The following CLEC12A variants were observed in gnomAD, a reference collection of about 807,000 sequenced individuals.
CLEC12A encodes the protein C-type lectin protein CLL-1.
In CLEC12A, 22 loss-of-function variants were observed where a neutral mutation model predicts 26.5. That is an observed-to-expected ratio of 0.83 (90% CI 0.59 to 1.19). CLEC12A has a LOEUF of 1.19. Among genes scored for constraint, CLEC12A ranks in the 50% most tolerant of loss-of-function variants. The pLI is 0.00. For missense variants in CLEC12A, 353 were observed against 315.6 expected (o/e 1.12, Z -0.90); for synonymous variants, 119 against 101.9 (o/e 1.17, Z -1.01).
downstream of CLEC12A, among the ~76,000 whole-genome samples, chr12:9,987,301 T>A (rs1037614397): frequency 6.6e-6 from 1 of 152,192 alleles, no homozygotes; most frequent in Non-Finnish European, 1.5e-5. Flanking sequence ...TGGAACTCTT[T>A]TGGGCACCAT....
At chr12:9,996,686 A>G, downstream of CLEC12A, 1 of 758,378 alleles carries the variant, frequency 1.3e-6, no homozygotes, top group Non-Finnish European at 2.3e-6. Flanking sequence ...AGTGGATTGA[A>G]TATCTGGGTT....
rs1401988120 is a variant in CLEC12A at position 9,979,454 on chromosome 12, C to T, written c.309C>T (p.Ile103=). ...GTAACATGAATATCTCCAACAAGAT[C>T]AGGAACCTCTCCACCACACTGCAAA... ...LMSNMNISNK[I]RNLSTTLQTI... is the part of the protein sequence containing the mutation. Residue 103 remains isoleucine (I), a synonymous_variant, in exon 3 of 6, where the codon ATC becomes ATT. Coordinates refer to ENST00000304361, the MANE Select transcript of CLEC12A (RefSeq NM_138337.6). 6.2e-7 allele frequency: 1 copy of T among 1,613,280 alleles called. No individual in the cohort carries two copies. The highest frequency in any genetic ancestry group is 1.3e-5 in the African/African-American group (1 of 74,982).
chr12:9,986,003 C>T (rs1327052827), downstream of CLEC12A: 2 of 247,184 alleles, frequency 8.1e-6, no homozygotes, highest in African/African-American at 4.6e-5. Flanking sequence ...TCTGCCCCCT[C>T]CTCTTCTGTG....
At chr12:10,000,378 T>C (rs1252458049), downstream of CLEC12A, among the ~76,000 whole-genome samples, 1 of 152,194 alleles carries the variant, frequency 6.6e-6, no homozygotes, top group Non-Finnish European at 1.5e-5. Context: ...TTCTCTATAC[T>C]CTTCAAATTA....
At chr12:9,974,562 C>T (rs1315107146) in intron 1 of CLEC12A, among the ~76,000 whole-genome samples, 1 of 152,122 alleles carries the variant, frequency 6.6e-6, no homozygotes, top group East Asian at 1.9e-4. Context: ...GTCTCTCTCT[C>T]CAGACAGCCT....
intron 1 of CLEC12A, among the ~76,000 whole-genome samples, chr12:9,977,872 T>C (rs1192628268): frequency 6.6e-6 from 1 of 152,158 alleles, no homozygotes; most frequent in Non-Finnish European, 1.5e-5. Flanking sequence ...TAATTGAACT[T>C]TTTAATAATT....
intron 4 of CLEC12A, chr12:9,993,098 G>T (rs1280989991): frequency 6.4e-7 from 1 of 1,557,224 alleles, no homozygotes; most frequent in South Asian, 1.2e-5. Flanking sequence ...ATCTTTTATT[G>T]TACAATAAAG....
chr12:9,962,611 C>A (rs1364647504), intron 1 of CLEC12A, among the ~76,000 whole-genome samples: 1 of 151,930 alleles, frequency 6.6e-6, no homozygotes, highest in African/African-American at 2.4e-5. Flanking sequence ...TCAAAGGGGG[C>A]TTGTTCTCTG....
rs866680135 is a variant in CLEC12A at position 9,979,402 on chromosome 12, A to G, written c.257A>G (p.Gln86Arg). The G allele has an allele frequency of 6.2e-7, 1 of 1,611,480 alleles. No individual in the cohort carries two copies. The highest frequency in any genetic ancestry group is 1.3e-5 in the African/African-American group (1 of 74,954). ...NKLQNISEEL[Q>R]RNISLQLMSN... ...CTACAAAACATCAGTGAAGAGCTCC[A>G]GAGAAATATTTCTCTACAACTGATG... Residue 86 changes from glutamine to arginine, a missense_variant, in exon 3 of 6, where the codon CAG becomes CGG. Coordinates refer to ENST00000304361, the MANE Select transcript of CLEC12A (RefSeq NM_138337.6).
intron 4 of CLEC12A, among the ~76,000 whole-genome samples, chr12:9,994,552 G>A (rs1173971155): frequency 1.3e-5 from 2 of 152,034 alleles, no homozygotes; most frequent in East Asian, 3.8e-4. Context: ...AAGCCATATA[G>A]GAAGCAACTC....
intron 1 of CLEC12A, among the ~76,000 whole-genome samples, chr12:9,954,492 A>C (rs1177425494): frequency 7.8e-6 from 1 of 127,996 alleles, no homozygotes; most frequent in African/African-American, 4.3e-5. Flanking sequence ...ATCCTGTCTC[A>C]AAAAAAAAAA....
At chr12:9,991,569 A>C (rs1185160099) in intron 4 of CLEC12A, 1 of 152,152 alleles carries the variant, frequency 6.6e-6, no homozygotes, top group Non-Finnish European at 1.5e-5. Flanking sequence ...AGATCTCCAG[A>C]CATTTGAAGT....
intron 1 of CLEC12A, among the ~76,000 whole-genome samples, chr12:9,955,695 A>C (rs1591809336): frequency 6.6e-6 from 1 of 152,222 alleles, no homozygotes; most frequent in African/African-American, 2.4e-5. Context: ...TAAGCAATCA[A>C]AAACCCAATA....
intron 1 of CLEC12A, among the ~76,000 whole-genome samples, chr12:9,963,672 G>A (rs1863877453): frequency 6.6e-6 from 1 of 152,186 alleles, no homozygotes; most frequent in African/African-American, 2.4e-5. Flanking sequence ...GAAAACTAGT[G>A]TGCATGTACC....
At chr12:9,988,554 G>A (rs1485318562), downstream of CLEC12A, among the ~76,000 whole-genome samples, 5 of 152,120 alleles carry the variant, frequency 3.3e-5, no homozygotes, top group Non-Finnish European at 5.9e-5. Context: ...GTGGGCAAAG[G>A]ATATGAACAG....
rs1486400258 is a variant in CLEC12A, at chr12:9,994,415, A to T, written n.1005-603A>T. On this transcript the variant is annotated intron_variant and non_coding_transcript_variant, in intron 4 of 4. Coordinates refer to the CLEC12A transcript ENST00000449959. Reference sequence around the variant, plus strand: ...ATACTTAATAAATATTTGTTTAAAAATTTAATTCATAATTTGAGTAATAAT... The same window carrying T: ...ATACTTAATAAATATTTGTTTAAAATTTTAATTCATAATTTGAGTAATAAT... 5.3e-5 allele frequency among the ~76,000 whole-genome samples: 8 copies of T among 152,278 alleles called. No homozygotes were observed. In the East Asian group the frequency reaches 1.5e-3, roughly 29 times the overall value.
At chr12:9,966,219 G>A (rs1863944728) in intron 1 of CLEC12A, among the ~76,000 whole-genome samples, 1 of 152,168 alleles carries the variant, frequency 6.6e-6, no homozygotes. Flanking sequence ...TGTGGAGTGG[G>A]TAGCCTCCGT....
At chr12:9,955,187 C>A (rs766978777) in intron 1 of CLEC12A, among the ~76,000 whole-genome samples, 1 of 152,086 alleles carries the variant, frequency 6.6e-6, no homozygotes, top group Non-Finnish European at 1.5e-5. Flanking sequence ...CCCGGGTTCA[C>A]GCCATTCTCC....
chr12:9,964,165 G>A (rs2137112363), intron 1 of CLEC12A, among the ~76,000 whole-genome samples: 1 of 152,168 alleles, frequency 6.6e-6, no homozygotes, highest in East Asian at 1.9e-4. Context: ...TAAGTGTGGA[G>A]GAGGGCGGCA....
Sources: gnomAD v4.1 joint callset for allele counts (sites outside exome capture counted in the v4.1 genomes callset) on GRCh38, gnomAD v4.1.1 for gene constraint, MANE v1.5 for transcripts, NCBI Gene and HGNC (gene_info 2026-07-23, HGNC 2026-07-21) for gene names.